ZZZ3: variants seen among roughly 807,000 people sequenced by gnomAD.
ZZZ3 encodes the protein zinc finger ZZ-type containing 3, also known as ZZ-type zinc finger-containing protein 3.
Under a neutral mutation model 95.2 loss-of-function variants are expected in ZZZ3, and 22 were observed. That is an observed-to-expected ratio of 0.23 (90% CI 0.17 to 0.33). ZZZ3 has a LOEUF of 0.33. ZZZ3 is among the 10% of genes least tolerant of loss of function. The pLI is 1.00. For synonymous variants in ZZZ3, 335 were observed against 358.9 expected, an observed-to-expected ratio of 0.93 and a Z score of 0.75; for missense variants, 885 against 1,066.5, an observed-to-expected ratio of 0.83 and a Z score of 2.37.
chr1:77,597,292 C>A (rs754931174), intron 5 of ZZZ3, among the ~76,000 whole-genome samples: 9 of 151,990 alleles, frequency 5.9e-5, no homozygotes, highest in Non-Finnish European at 1.3e-4. Context: ...TCAGTCCACA[C>A]TGATATAAAT....
chr1:77,606,098 A>G (rs1035086772), intron 5 of ZZZ3, among the ~76,000 whole-genome samples: 3 of 152,186 alleles, frequency 2.0e-5, no homozygotes, highest in Non-Finnish European at 4.4e-5. Context: ...CCTGAGCCAG[A>G]AGGGGGTCCA....
At chr1:77,642,772 TG>T (rs1163721020) in intron 1 of ZZZ3, among the ~76,000 whole-genome samples, 1 of 152,052 alleles carries the variant, frequency 6.6e-6, no homozygotes, top group East Asian at 1.9e-4. Context: ...TTTTTTTTAA[TG>T]AAAATGCAGA....
chr1:77,585,962 T>G (rs898402880), intron 5 of ZZZ3, among the ~76,000 whole-genome samples: 2 of 152,216 alleles, frequency 1.3e-5, no homozygotes, highest in Non-Finnish European at 2.9e-5. Flanking sequence ...ACTGCTAACA[T>G]TGAAGGGCAA....
intron 1 of ZZZ3, among the ~76,000 whole-genome samples, chr1:77,648,348 CAA>C (rs774444208): frequency 4.3e-4 from 23 of 52,940 alleles, no homozygotes; most frequent in Admixed American, 6.5e-4. Flanking sequence ...AATCTTGCCT[CAA>C]AAAAAAAAAA....
intron 5 of ZZZ3, among the ~76,000 whole-genome samples, chr1:77,592,340 T>C (rs1036343211): frequency 4.6e-5 from 7 of 152,138 alleles, no homozygotes; most frequent in African/African-American, 1.7e-4. Context: ...TTTCGCTCTG[T>C]CCCCCAGGAT....
chr1:77,590,109 A>G (rs916125044), intron 5 of ZZZ3, among the ~76,000 whole-genome samples: 1 of 152,246 alleles, frequency 6.6e-6, no homozygotes, highest in African/African-American at 2.4e-5. Context: ...GCAGTGGCTC[A>G]CGCCTGTAAT....
intron 12 of ZZZ3, among the ~76,000 whole-genome samples, chr1:77,570,054 C>G (rs1229923129): frequency 6.6e-6 from 1 of 152,186 alleles, no homozygotes; most frequent in Admixed American, 6.5e-5. Context: ...TAAACAAAAG[C>G]TTACACAAAG....
intron 5 of ZZZ3, among the ~76,000 whole-genome samples, chr1:77,590,854 A>AAGC (rs1304711347): frequency 1.3e-5 from 2 of 152,248 alleles, no homozygotes; most frequent in East Asian, 3.8e-4. Flanking sequence ...TTAAATGACT[A>AAGC]AGCAATTTTA....
intron 5 of ZZZ3, among the ~76,000 whole-genome samples, chr1:77,585,804 T>G (rs1169187536): frequency 6.6e-6 from 1 of 152,238 alleles, no homozygotes; most frequent in Non-Finnish European, 1.5e-5. Flanking sequence ...GGTGAAATAC[T>G]GCAGTTTTGA....
At position 77,632,861 on chromosome 1, in the gene ZZZ3, C is replaced by T. The variant is rs1454259204; in HGVS notation, c.494G>A (p.Arg165Gln). Reference sequence around the variant, plus strand: ...CTCACAATCATCCAGTATAAGACATCGACAAGCTCGTTTAGTCCCTTGAAA... The same window carrying T: ...CTCACAATCATCCAGTATAAGACATTGACAAGCTCGTTTAGTCCCTTGAAA... The part of the protein sequence containing the change: ...ADFQGTKRAC[R>Q]CLILDDCEKR... Residue 165 changes from arginine to glutamine, a missense_variant, in exon 5 of 15, where the codon CGA (arginine) becomes CAA (glutamine). By Grantham distance (43) the Arg-to-Gln change is conservative. This residue lies in a region of ZZZ3 where 556 missense variants were observed against 652.9 expected (regional missense o/e 0.85). Transcript: ENST00000370801. The T allele has an allele frequency of 1.7e-5, 28 of 1,614,066 alleles. No individual in the cohort carries two copies. Among genetic ancestry groups the T allele is most frequent in the Non-Finnish European group, 2.2e-5 (26 of 1,180,030 alleles).
chr1:77,658,125 G>A (rs561357274), intron 1 of ZZZ3, among the ~76,000 whole-genome samples: 3 of 146,264 alleles, frequency 2.1e-5, no homozygotes, highest in Non-Finnish European at 3.0e-5. Flanking sequence ...GTTGCGGCGA[G>A]CTGAGATTAC....
intron 5 of ZZZ3, among the ~76,000 whole-genome samples, chr1:77,590,552 G>T (rs772836225): frequency 2.6e-4 from 39 of 152,146 alleles, no homozygotes; most frequent in Non-Finnish European, 4.6e-4. Context: ...TTTACTATCT[G>T]GTCCTTTAAG....
intron 5 of ZZZ3, among the ~76,000 whole-genome samples, chr1:77,603,718 T>TA (rs1434016096): frequency 1.3e-5 from 2 of 152,130 alleles, no homozygotes; most frequent in Admixed American, 6.5e-5. Context: ...ACTCAAGGTC[T>TA]AATACATAAG....
chr1:77,624,547 T>C (rs552781588), intron 5 of ZZZ3, among the ~76,000 whole-genome samples: 1 of 152,066 alleles, frequency 6.6e-6, no homozygotes, highest in South Asian at 2.1e-4. Context: ...GCTATGAGGG[T>C]TGCTGACCCA....
chr1:77,636,745 C>G (rs1284875524), intron 4 of ZZZ3, among the ~76,000 whole-genome samples: 3 of 148,778 alleles, frequency 2.0e-5, no homozygotes, highest in Non-Finnish European at 4.4e-5. Flanking sequence ...TATAGTAAGG[C>G]CTATCTTAAT....
At chr1:77,610,700 G>A (rs930919991) in intron 5 of ZZZ3, among the ~76,000 whole-genome samples, 2 of 151,540 alleles carry the variant, frequency 1.3e-5, no homozygotes, top group Non-Finnish European at 3.0e-5. Flanking sequence ...CAGAATGAAG[G>A]ACAAAAACTA....
At chr1:77,664,203 A>C (rs1423011793) in intron 1 of ZZZ3, among the ~76,000 whole-genome samples, 1 of 151,902 alleles carries the variant, frequency 6.6e-6, no homozygotes, top group Non-Finnish European at 1.5e-5. Flanking sequence ...ATTCCAATTT[A>C]CTCTTTATTT....
At chr1:77,594,711 T>C (rs1005073805) in intron 5 of ZZZ3, among the ~76,000 whole-genome samples, 1 of 151,514 alleles carries the variant, frequency 6.6e-6, no homozygotes, top group Non-Finnish European at 1.5e-5. Context: ...AATGAACACA[T>C]AAAAAACAAA....
chr1:77,653,156 C>T (rs1193601839), intron 1 of ZZZ3, among the ~76,000 whole-genome samples: 1 of 152,058 alleles, frequency 6.6e-6, no homozygotes, highest in East Asian at 1.9e-4. Context: ...CACTGCACTC[C>T]AGCCTGGGCA....
Sources: gnomAD v4.1 joint callset for allele counts (sites outside exome capture counted in the v4.1 genomes callset) on GRCh38, gnomAD v4.1.1 for gene constraint, gnomAD v4.1.1 regional missense constraint, MANE v1.5 for transcripts, NCBI Gene and HGNC (gene_info 2026-07-23, HGNC 2026-07-21) for gene names.